Variants in HS6ST3 observed in about 807,000 individuals in gnomAD.
HS6ST3 encodes the protein heparan sulfate 6-O-sulfotransferase 3, also known as heparan-sulfate 6-O-sulfotransferase 3.
HS6ST3 carries 12 observed loss-of-function variants against 36.7 expected under a neutral mutation model. That is an observed-to-expected ratio of 0.33 (90% CI 0.21 to 0.53). HS6ST3 has a LOEUF of 0.53. Ranked by LOEUF, HS6ST3 falls within the 20% of genes least tolerant of loss-of-function variation. The probability of loss-of-function intolerance (pLI) is 0.95; values close to 1 mark genes in which losing one functional copy is unlikely to be tolerated. For synonymous variants in HS6ST3, 240 were observed against 257.5 expected, an observed-to-expected ratio of 0.93 and a Z score of 0.65; for missense variants, 584 against 640.9, an observed-to-expected ratio of 0.91 and a Z score of 0.96.
chr13:96,462,897 A>G (rs968764948), intron 1 of HS6ST3, among the ~76,000 whole-genome samples: 1 of 152,226 alleles, frequency 6.6e-6, no homozygotes, highest in African/African-American at 2.4e-5. Context: ...TAAATCTAAC[A>G]AGAGTTTTGT....
At chr13:96,534,812 A>G (rs962423328) in intron 1 of HS6ST3, among the ~76,000 whole-genome samples, 3 of 152,170 alleles carry the variant, frequency 2.0e-5, no homozygotes, top group African/African-American at 7.2e-5. Context: ...TACAAAAATT[A>G]GCCAGGCATG....
chr13:96,541,267 C>G (rs1214519052), intron 1 of HS6ST3, among the ~76,000 whole-genome samples: 2 of 152,068 alleles, frequency 1.3e-5, no homozygotes, highest in African/African-American at 4.8e-5. Context: ...GACCTCCTGA[C>G]CTCAAATGAT....
rs199652877 is a variant in HS6ST3, at chr13:96,762,409, G to A, written c.708-70081G>A. 5.3e-5 allele frequency among the ~76,000 whole-genome samples: 8 copies of A among 152,300 alleles called. No homozygotes were observed. The East Asian group carries it at 1.4e-3, about 26-fold the overall frequency. On this transcript the variant is annotated intron_variant, in intron 1 of 1. Coordinates refer to ENST00000376705, the MANE Select transcript of HS6ST3 (RefSeq NM_153456.4). ...GCAAGAGAATTGCTGGAACCCAGGA[G>A]ATGGAGGTTGCAGTGAGCCGATACA...
At chr13:96,146,780 T>C in intron 1 of HS6ST3, among the ~76,000 whole-genome samples, 1 of 152,338 alleles carries the variant, frequency 6.6e-6, no homozygotes, top group South Asian at 2.1e-4. Flanking sequence ...TATTGAGTAC[T>C]TTATGATTTC....
intron 1 of HS6ST3, among the ~76,000 whole-genome samples, chr13:96,301,126 C>A (rs1467011665): frequency 6.6e-6 from 1 of 152,200 alleles, no homozygotes; most frequent in Non-Finnish European, 1.5e-5. Context: ...TCTCTGTGAA[C>A]AACCCACATT....
At chr13:96,701,848 G>C (rs896835609) in intron 1 of HS6ST3, among the ~76,000 whole-genome samples, 1 of 152,174 alleles carries the variant, frequency 6.6e-6, no homozygotes, top group Non-Finnish European at 1.5e-5. Context: ...TGTGGACCCA[G>C]CTACTCAGGA....
At chr13:96,722,174 A>T (rs1594844955) in intron 1 of HS6ST3, among the ~76,000 whole-genome samples, 1 of 152,154 alleles carries the variant, frequency 6.6e-6, no homozygotes, top group Admixed American at 6.5e-5. Context: ...CTGAGACAGG[A>T]TCATCACTTG....
intron 1 of HS6ST3, among the ~76,000 whole-genome samples, chr13:96,635,889 C>T (rs1029667277): frequency 2.6e-5 from 4 of 152,090 alleles, no homozygotes; most frequent in African/African-American, 7.2e-5. Context: ...TAATACTACA[C>T]GCAGGGTATA....
chr13:96,108,366 G>T (rs148647938), intron 1 of HS6ST3, among the ~76,000 whole-genome samples: 1 of 152,308 alleles, frequency 6.6e-6, no homozygotes, highest in African/African-American at 2.4e-5. Flanking sequence ...TATCAGTGAC[G>T]ATGCGTGCAC....
intron 1 of HS6ST3, among the ~76,000 whole-genome samples, chr13:96,475,612 C>CAAAAAAAAAAAAAA (rs1251970502): frequency 2.2e-5 from 2 of 91,566 alleles, no homozygotes; most frequent in Non-Finnish European, 2.4e-5. Context: ...GGAGTACTAC[C>CAAAAAAAAAAAAAA]AAAAAAAAAA....
chr13:96,706,439 AT>A (rs1875428173), intron 1 of HS6ST3, among the ~76,000 whole-genome samples: 5 of 141,260 alleles, frequency 3.5e-5, no homozygotes, highest in African/African-American at 1.1e-4. Context: ...ATATATATAT[AT>A]AATCAGGGAA....
At chr13:96,497,070 C>T (rs2055980644) in intron 1 of HS6ST3, among the ~76,000 whole-genome samples, 1 of 151,860 alleles carries the variant, frequency 6.6e-6, no homozygotes, top group African/African-American at 2.4e-5. Flanking sequence ...CATCACTAGT[C>T]CAGGACAGGT....
At chr13:96,194,339 TA>T (rs56371001) in intron 1 of HS6ST3, among the ~76,000 whole-genome samples, 144,140 of 152,164 alleles carry the variant, frequency 0.95, 68,377 homozygotes, top group African/African-American at 0.97. Flanking sequence ...TCTGAATTTT[TA>T]AACATAATCC....
chr13:96,638,779 A>G (rs1375426708), intron 1 of HS6ST3, among the ~76,000 whole-genome samples: 2 of 151,954 alleles, frequency 1.3e-5, no homozygotes, highest in African/African-American at 4.8e-5. Flanking sequence ...AGTCTTGGGT[A>G]TGTCCTTATA....
At chr13:96,522,324 C>G (rs2056096829) in intron 1 of HS6ST3, among the ~76,000 whole-genome samples, 1 of 152,140 alleles carries the variant, frequency 6.6e-6, no homozygotes, top group African/African-American at 2.4e-5. Context: ...AACGTATATT[C>G]TGTTGATTTG....
chr13:96,600,253 A>G (rs536906867), intron 1 of HS6ST3, among the ~76,000 whole-genome samples: 13 of 150,576 alleles, frequency 8.6e-5, no homozygotes, highest in African/African-American at 2.7e-4. Context: ...GAACTCCCCC[A>G]CTATTATTGT....
At chr13:96,163,372 GGC>G (rs2054145956) in intron 1 of HS6ST3, among the ~76,000 whole-genome samples, 1 of 151,844 alleles carries the variant, frequency 6.6e-6, no homozygotes, top group African/African-American at 2.4e-5. Context: ...TGGGACTACA[GGC>G]GCCCACCACC....
intron 1 of HS6ST3, among the ~76,000 whole-genome samples, chr13:96,155,555 A>G (rs1413155497): frequency 6.7e-6 from 1 of 148,588 alleles, no homozygotes; most frequent in African/African-American, 2.5e-5. Context: ...TGTCTATGCT[A>G]TTCTGGTGAG....
intron 1 of HS6ST3, among the ~76,000 whole-genome samples, chr13:96,419,306 C>G (rs1323202144): frequency 6.6e-6 from 1 of 152,176 alleles, no homozygotes; most frequent in Non-Finnish European, 1.5e-5. Context: ...GACCTTAATA[C>G]TGAAGCTGCA....
Sources: gnomAD v4.1 joint callset for allele counts (sites outside exome capture counted in the v4.1 genomes callset) on GRCh38, gnomAD v4.1.1 for gene constraint, MANE v1.5 for transcripts, NCBI Gene and HGNC (gene_info 2026-07-23, HGNC 2026-07-21) for gene names.